BMP15: variants seen among roughly 807,000 people sequenced by gnomAD.
BMP15 encodes the protein growth/differentiation factor 9B.
Under a neutral mutation model 4.4 loss-of-function variants are expected in BMP15, and 5 were observed. That is an observed-to-expected ratio of 1.13 (90% CI 0.59 to 2.38). The LOEUF (loss-of-function observed/expected upper bound fraction) is 2.38. Ranked by LOEUF, BMP15 falls within the 30% of genes most tolerant of loss-of-function variation. The pLI, the probability that BMP15 is intolerant of heterozygous loss-of-function variation, is 0.01. For synonymous variants in BMP15, 125 were observed against 114.6 expected, an observed-to-expected ratio of 1.09 and a Z score of -0.58; for missense variants, 339 against 309.8, an observed-to-expected ratio of 1.09 and a Z score of -0.71.
chrX:50,912,989 C>T (rs1002233057), intron 1 of BMP15, among the ~76,000 whole-genome samples: 2 of 111,315 alleles, frequency 1.8e-5, no homozygotes, highest in East Asian at 5.7e-4. Flanking sequence ...GGCAGAGGAA[C>T]AACAGGTGCA....
At chrX:50,912,316 G>C (rs1418648310) in intron 1 of BMP15, among the ~76,000 whole-genome samples, 1 of 111,686 alleles carries the variant, frequency 9.0e-6, no homozygotes, top group African/African-American at 3.3e-5. Flanking sequence ...TAATCATCTT[G>C]CTGTTCTGAC....
At chrX:50,911,133 C>G in intron 1 of BMP15, 22 bp downstream of exon 1, 1 of 1,162,385 alleles carries the variant, frequency 8.6e-7, no homozygotes, top group Non-Finnish European at 1.2e-6. Flanking sequence ...TGCCCCCATA[C>G]TGCCCTGGAA....
At chrX:50,914,138 T>C (rs971511928) in intron 1 of BMP15, among the ~76,000 whole-genome samples, 1 of 111,443 alleles carries the variant, frequency 9.0e-6, no homozygotes, top group African/African-American at 3.3e-5. Context: ...GCCCGGCTAA[T>C]TTTTTGTATT....
rs143575599 is a variant in BMP15, at chrX:50,914,616, G to T, written c.329-1141G>T. ...AATTCTGGAACATCAAGATGTAAAA[G>T]AACTTCTGTGTTAAAAATGCCACAT... On this transcript the variant is annotated intron_variant, in intron 1 of 1. Coordinates refer to ENST00000252677, the MANE Select transcript of BMP15 (RefSeq NM_005448.2). Among the ~76,000 whole-genome samples the T allele has an allele frequency of 5.6e-3, 630 of 111,797 alleles. 4 individuals carry two copies. Among genetic ancestry groups the T allele is most frequent in the African/African-American group, 0.019 (599 of 30,742 alleles).
At chrX:50,911,628 A>G (rs1923018278) in intron 1 of BMP15, among the ~76,000 whole-genome samples, 1 of 111,715 alleles carries the variant, frequency 9.0e-6, no homozygotes, top group East Asian at 2.8e-4. Flanking sequence ...GTCTTGATGC[A>G]ATTAGCCTAA....
intron 1 of BMP15, among the ~76,000 whole-genome samples, chrX:50,914,104 G>T (rs1436714420): frequency 9.0e-6 from 1 of 111,480 alleles, no homozygotes; most frequent in Non-Finnish European, 1.9e-5. Context: ...CCGAGTAGCT[G>T]GGATTACAGG....
rs1257988806 is a variant in BMP15, at chrX:50,914,063, C to T, written c.329-1694C>T. On this transcript the variant is annotated intron_variant, in intron 1 of 1. Transcript: ENST00000252677. ...TCGGCTCACTACAACCTCTGCCTCC[C>T]GGGTGCACGCCATTCTCCTGCCTCA... Among the ~76,000 whole-genome samples the T allele has an allele frequency of 1.1e-4, 12 of 111,624 alleles. No homozygotes were observed. The South Asian group carries it at 1.9e-3, about 18-fold the overall frequency.
At position 50,915,771 on chromosome X, in the gene BMP15, C is replaced by T. The variant is rs782799707; in HGVS notation, c.343C>T (p.Gln115Ter). ...TACTTCTGCAGGTACCTGGCATATACAGATCCTGGGCTTTCCTCTCAGACC... is the reference window on the plus strand; with the variant it reads ...TACTTCTGCAGGTACCTGGCATATATAGATCCTGGGCTTTCCTCTCAGACC... Reference protein sequence around the residue: ...ARPHRGTWHIQILGFPLRPNR... With the variant: ...ARPHRGTWHI The change falls in exon 2 of 2, where the codon CAG becomes TAG. Residue 115 changes from glutamine (Q) to a stop codon, truncating the protein, a stop_gained. Coordinates refer to ENST00000252677, the MANE Select transcript of BMP15 (RefSeq NM_005448.2). LOFTEE classifies it low-confidence loss of function (END_TRUNC). The T allele has an allele frequency of 1.8e-5, 22 of 1,209,599 alleles. No homozygotes were observed. Among genetic ancestry groups the T allele is most frequent in the Non-Finnish European group, 2.2e-5 (20 of 895,108 alleles).
chrX:50,913,411 T>A (rs1923054154), intron 1 of BMP15, among the ~76,000 whole-genome samples: 1 of 110,952 alleles, frequency 9.0e-6, no homozygotes, highest in Admixed American at 9.6e-5. Flanking sequence ...CAGTGAGGCA[T>A]GATTGTGCCA....
In BMP15 at chrX:50,916,337, G is replaced by T. The variant is rs1455608598; in HGVS notation, c.909G>T (p.Leu303=). ...CTTTCCAAATCAGCTTCCGCCAGCT[G>T]GGTTGGGATCACTGGATCATTGCTC... ...LHPFQISFRQ[L]GWDHWIIAPP... The change falls in exon 2 of 2, where the codon CTG becomes CTT. Residue 303 remains leucine, a synonymous_variant. Coordinates refer to ENST00000252677, the MANE Select transcript of BMP15 (RefSeq NM_005448.2). 8.4e-7 allele frequency: 1 copy of T among 1,193,721 alleles called. No homozygotes were observed. The highest frequency in any genetic ancestry group is 3.0e-5 in the East Asian group (1 of 33,637).
chrX:50,914,018 T>G (rs1923067892), intron 1 of BMP15, among the ~76,000 whole-genome samples: 3 of 112,022 alleles, frequency 2.7e-5, no homozygotes, highest in Admixed American at 1.9e-4. Flanking sequence ...TCATCCAGGC[T>G]GGAGTGCAGT....
chrX:50,914,811 T>C (rs1163810301), intron 1 of BMP15, among the ~76,000 whole-genome samples: 2 of 111,253 alleles, frequency 1.8e-5, no homozygotes, highest in Non-Finnish European at 3.8e-5. Flanking sequence ...CGGGAGGGGG[T>C]GCAGAAGTTT....
At position 50,910,739 on chromosome X, in the gene BMP15, T is replaced by C. The variant is rs1557279854; in HGVS notation, c.-45T>C. 2 of 1,119,558 alleles carry C rather than the reference T, an allele frequency of 1.8e-6. No individual in the cohort carries two copies. Among genetic ancestry groups the C allele is most frequent in the Non-Finnish European group, 2.4e-6 (2 of 819,332 alleles). 92.3% of individuals were successfully genotyped at this position (1,119,558 alleles called of 1,213,427 possible). ...AAGGAAATGGTCAGAGTGACGTCCC[T>C]TGGGCTTGTGTTGGGGCCTGTTGTT... is the stretch of plus-strand genomic sequence containing the variant. On this transcript the variant is annotated 5_prime_UTR_variant, in exon 1 of 2. Coordinates refer to ENST00000252677, the MANE Select transcript of BMP15 (RefSeq NM_005448.2).
At chrX:50,913,229 A>G (rs1252624412) in intron 1 of BMP15, among the ~76,000 whole-genome samples, 2 of 111,297 alleles carry the variant, frequency 1.8e-5, no homozygotes, top group African/African-American at 6.5e-5. Context: ...GGAGACTGAG[A>G]CCAGCCTGAG....
In BMP15 at chrX:50,916,384, A is replaced by G. The variant is rs782454759; in HGVS notation, c.956A>G (p.Tyr319Cys). The part of the protein sequence containing the change: ...IIAPPFYTPN[Y>C]CKGTCLRVLR... ...GCTCCCCCTTTCTACACCCCAAACT[A>G]CTGTAAAGGAACTTGTCTCCGAGTA... is the stretch of plus-strand genomic sequence containing the variant. The change falls in exon 2 of 2, where the codon TAC becomes TGC. Residue 319 changes from tyrosine (Y) to cysteine (C), a missense_variant. Transcript: ENST00000252677. The G allele has an allele frequency of 6.7e-6, 8 of 1,196,948 alleles. No homozygotes were observed. In the African/African-American group the frequency reaches 7.1e-5, roughly 11 times the overall value.
At chrX:50,911,909 A>G (rs1601952586) in intron 1 of BMP15, among the ~76,000 whole-genome samples, 1 of 111,123 alleles carries the variant, frequency 9.0e-6, no homozygotes. Context: ...TTTGCATCAG[A>G]CATTGTTGCA....
Position 50,913,204 on chromosome X carries a change from G to A in BMP15, c.328+2093G>A, listed in dbSNP as rs1392260744. Among the ~76,000 whole-genome samples, 15 of 111,225 alleles carry A rather than the reference G, an allele frequency of 1.3e-4. No individual in the cohort carries two copies. In the Admixed American group the frequency reaches 1.4e-3, roughly 11 times the overall value. On this transcript the variant is annotated intron_variant, in intron 1 of 1. Transcript: ENST00000252677. Reference sequence around the variant, plus strand: ...GCACTTTGGGAGGCCAATATGGGAAGATCACTTGAGCCCAGGAGACTGAGA... The same window carrying A: ...GCACTTTGGGAGGCCAATATGGGAAAATCACTTGAGCCCAGGAGACTGAGA...
Position 50,916,358 on chromosome X carries a change from T to G in BMP15, c.930T>G (p.Ile310Met). The G allele has an allele frequency of 8.4e-7, 1 of 1,192,446 alleles. No individual in the cohort carries two copies. Among genetic ancestry groups the G allele is most frequent in the Non-Finnish European group, 1.1e-6 (1 of 884,792 alleles). The change falls in exon 2 of 2, where the codon ATT becomes ATG. Residue 310 changes from isoleucine (I) to methionine (M), a missense_variant. Coordinates refer to ENST00000252677, the MANE Select transcript of BMP15 (RefSeq NM_005448.2). ...FRQLGWDHWI[I>M]APPFYTPNYC... Reference sequence around the variant, plus strand: ...AGCTGGGTTGGGATCACTGGATCATTGCTCCCCCTTTCTACACCCCAAACT... The same window carrying G: ...AGCTGGGTTGGGATCACTGGATCATGGCTCCCCCTTTCTACACCCCAAACT...
At chrX:50,913,797 TTTATA>T in intron 1 of BMP15, among the ~76,000 whole-genome samples, 1 of 110,965 alleles carries the variant, frequency 9.0e-6, no homozygotes, top group Non-Finnish European at 1.9e-5. Flanking sequence ...GTTGAGTTCC[TTTATA>T]GCCAGGGTGG....
Sources: gnomAD v4.1 joint callset for allele counts (sites outside exome capture counted in the v4.1 genomes callset) on GRCh38, gnomAD v4.1.1 for gene constraint, MANE v1.5 for transcripts, NCBI Gene and HGNC (gene_info 2026-07-23, HGNC 2026-07-21) for gene names.